The following WNT11 variants were observed in gnomAD, a reference collection of about 807,000 sequenced individuals.
WNT11 encodes protein Wnt-11.
In WNT11, 20 loss-of-function variants were observed where a neutral mutation model predicts 35.6. That is an observed-to-expected ratio of 0.56 (90% CI 0.40 to 0.82). WNT11 has a LOEUF of 0.82. WNT11 is among the 40% of genes least tolerant of loss of function. The pLI, the probability that WNT11 is intolerant of heterozygous loss-of-function variation, is 0.00. For synonymous variants in WNT11, 200 were observed against 211.9 expected, an observed-to-expected ratio of 0.94 and a Z score of 0.49; for missense variants, 459 against 504.4, an observed-to-expected ratio of 0.91 and a Z score of 0.86.
At chr11:76,200,364 C>T (rs898597870) in intron 1 of WNT11, among the ~76,000 whole-genome samples, 4 of 152,214 alleles carry the variant, frequency 2.6e-5, no homozygotes, top group Admixed American at 2.6e-4. Context: ...TGTTGCTGAA[C>T]CCTGCCTTAC....
Position 76,194,893 on chromosome 11 carries a change from C to G in WNT11, c.320-49G>C, listed in dbSNP as rs751045153. The G allele has an allele frequency of 5.5e-6, 8 of 1,448,386 alleles. No individual in the cohort carries two copies. Among genetic ancestry groups the G allele is most frequent in the Non-Finnish European group, 6.3e-6 (7 of 1,105,366 alleles). 89.7% of individuals were successfully genotyped at this position (1,448,386 alleles called of 1,614,324 possible). On this transcript the variant is annotated intron_variant, in intron 2 of 4. Transcript: ENST00000322563. The surrounding 1 kb of genome is among the most constrained non-coding windows in gnomAD (Gnocchi z 5.4). ...GCCGACGCTGATCCAGGGCTAGGAC[C>G]CTGCCCAGGTCAGAGGTCCTCCACC...
In WNT11 at chr11:76,186,927, A is replaced by T; in HGVS notation, c.*138T>A. ...TTCCTGGTGGCTTCCAAGTGAAGGC[A>T]AAGCACAAGCCGCCTCCCATGCCTG... On this transcript the variant is annotated 3_prime_UTR_variant, in exon 5 of 5. Transcript: ENST00000322563. 1 of 1,380,256 alleles carries T rather than the reference A, an allele frequency of 7.2e-7. No homozygotes were observed. The highest frequency in any genetic ancestry group is 1.0e-6 in the Non-Finnish European group (1 of 1,003,674). 85.5% of individuals were successfully genotyped at this position (1,380,256 alleles called of 1,614,324 possible). A position where few individuals can be genotyped will look rare whatever the true frequency, so the allele number is the denominator to read the frequency against.
rs1953236734 is a variant in WNT11 at position 76,194,399 on chromosome 11, CAG to C, written c.597+166_597+167del. Among the ~76,000 whole-genome samples the C allele has an allele frequency of 1.3e-5, 2 of 151,976 alleles. No homozygotes were observed. Among genetic ancestry groups the C allele is most frequent in the Non-Finnish European group, 2.9e-5 (2 of 68,026 alleles). The stretch of plus-strand genomic sequence containing the variant: ...GGAGGAAAGCGACACAAGCCCCAAG[CAG>C]CTGGCGAGGGAAGGGCTGAGGATGA... On this transcript the variant is annotated intron_variant, in intron 3 of 4. Transcript: ENST00000322563. The surrounding 1 kb of genome is among the most constrained non-coding windows in gnomAD (Gnocchi z 5.4).
At chr11:76,195,306 T>C (rs564457236) in intron 2 of WNT11, among the ~76,000 whole-genome samples, 39 of 152,336 alleles carry the variant, frequency 2.6e-4, no homozygotes, top group African/African-American at 9.1e-4. Context: ...GTAATGGGGC[T>C]GAGACGAGGT....
At chr11:76,207,324 C>A (rs1408105238), upstream of WNT11, among the ~76,000 whole-genome samples, 1 of 152,234 alleles carries the variant, frequency 6.6e-6, no homozygotes, top group Non-Finnish European at 1.5e-5. Flanking sequence ...GATTGCGCCA[C>A]TGCACTCTAG....
intron 1 of WNT11, among the ~76,000 whole-genome samples, chr11:76,200,840 C>T (rs371340719): frequency 2.6e-5 from 4 of 152,376 alleles, no homozygotes; most frequent in Admixed American, 2.6e-4. Context: ...AGCACATCAG[C>T]GCATGGCCTA....
At chr11:76,208,654 C>T (rs763631733), upstream of WNT11, among the ~76,000 whole-genome samples, 1 of 152,166 alleles carries the variant, frequency 6.6e-6, no homozygotes, top group Non-Finnish European at 1.5e-5. Flanking sequence ...GGACTCACAG[C>T]GGGGGATCTG....
chr11:76,199,675 C>T (rs538711657), intron 1 of WNT11, among the ~76,000 whole-genome samples: 41 of 152,030 alleles, frequency 2.7e-4, no homozygotes, highest in South Asian at 1.0e-3. Context: ...TGGTGGTGCG[C>T]GCCTGTAGTC....
upstream of WNT11, among the ~76,000 whole-genome samples, chr11:76,209,722 C>T (rs1366855033): frequency 1.3e-5 from 2 of 152,032 alleles, no homozygotes; most frequent in Non-Finnish European, 2.9e-5. Flanking sequence ...TGGGAGCACT[C>T]GAGATCCCTC....
In WNT11 at chr11:76,194,356, C is replaced by A. The variant is rs1953235601; in HGVS notation, c.597+211G>T. ...CTCCCTCTGCTTGGACAACCCAAAC[C>A]CCAGTGGACGCCTTGGAGGAGGAAA... On this transcript the variant is annotated intron_variant, in intron 3 of 4. Coordinates refer to ENST00000322563, the MANE Select transcript of WNT11 (RefSeq NM_004626.3). The surrounding 1 kb of genome is among the most constrained non-coding windows in gnomAD (Gnocchi z 5.4). Among the ~76,000 whole-genome samples, 1 of 152,100 alleles carries A rather than the reference C, an allele frequency of 6.6e-6. No individual in the cohort carries two copies. The highest frequency in any genetic ancestry group is 1.9e-4 in the East Asian group (1 of 5,138).
At chr11:76,193,510 G>A (rs1424790121) in intron 3 of WNT11, among the ~76,000 whole-genome samples, 1 of 152,244 alleles carries the variant, frequency 6.6e-6, no homozygotes, top group Non-Finnish European at 1.5e-5. Flanking sequence ...AGGTCAGCAG[G>A]GCCAGGAGGC....
chr11:76,195,208 G>C (rs1953261745), intron 2 of WNT11: 7 of 287,894 alleles, frequency 2.4e-5, no homozygotes, highest in Admixed American at 1.4e-4. Context: ...TGCTATGCGT[G>C]GACCTGTGTC....
At chr11:76,198,264 A>G (rs1204352577) in intron 1 of WNT11, among the ~76,000 whole-genome samples, 2 of 152,216 alleles carry the variant, frequency 1.3e-5, no homozygotes, top group Non-Finnish European at 2.9e-5. Flanking sequence ...TGTGTGTCAC[A>G]CGTTCTGCCC....
At chr11:76,205,039 G>A (rs1340743753) in intron 1 of WNT11, among the ~76,000 whole-genome samples, 1 of 152,174 alleles carries the variant, frequency 6.6e-6, no homozygotes, top group Non-Finnish European at 1.5e-5. Flanking sequence ...AAGGTGGCTG[G>A]TTTCTCACAG....
intron 2 of WNT11, 51 bp downstream of exon 2, chr11:76,196,432 G>C: frequency 6.3e-7 from 1 of 1,597,222 alleles, no homozygotes; most frequent in Non-Finnish European, 8.6e-7. Context: ...ATTGATGCCT[G>C]AATTCCTTCA....
chr11:76,204,806 C>T (rs1485979311), intron 1 of WNT11, among the ~76,000 whole-genome samples: 2 of 152,012 alleles, frequency 1.3e-5, no homozygotes, highest in Non-Finnish European at 2.9e-5. Flanking sequence ...GGTGTTCCCA[C>T]TGTGGAGCAG....
rs1242098447 is a variant in WNT11 at position 76,206,315 on chromosome 11, C to A, written c.83+10G>T. On this transcript the variant is annotated intron_variant, in intron 1 of 4. Transcript: ENST00000322563. ...TGGCCTGTGCGCGTGGACGCGGGGT[C>A]CCTACTCACAGCCACTTGATGCCAT... 1 of 1,546,036 alleles carries A rather than the reference C, an allele frequency of 6.5e-7. No individual in the cohort carries two copies. Among genetic ancestry groups the A allele is most frequent in the East Asian group, 2.5e-5 (1 of 39,892 alleles).
At chr11:76,195,218 C>T (rs1176167676) in intron 2 of WNT11, 2 of 276,580 alleles carry the variant, frequency 7.2e-6, no homozygotes, top group South Asian at 1.1e-4. Flanking sequence ...GGACCTGTGT[C>T]CCCCCGAAGG....
intron 1 of WNT11, among the ~76,000 whole-genome samples, chr11:76,199,441 C>T (rs758437765): frequency 6.6e-6 from 1 of 151,222 alleles, no homozygotes; most frequent in Non-Finnish European, 1.5e-5. Context: ...TGCTGCACTC[C>T]AGTCTGGGTG....
Sources: allele counts gnomAD v4.1 joint callset (sites outside exome capture counted in the v4.1 genomes callset), GRCh38; gene constraint gnomAD v4.1.1; non-coding constraint Gnocchi (gnomAD v3.1); transcripts MANE v1.5; gene names NCBI Gene and HGNC (gene_info 2026-07-23, HGNC 2026-07-21).